The following ADGRB3 variants were observed in gnomAD, a reference collection of about 807,000 sequenced individuals.
ADGRB3 encodes brain-specific angiogenesis inhibitor 3.
In ADGRB3, 37 loss-of-function variants were observed where a neutral mutation model predicts 193.4. That is an observed-to-expected ratio of 0.19 (90% CI 0.15 to 0.25). The LOEUF (loss-of-function observed/expected upper bound fraction) is 0.25. Ranked by LOEUF, ADGRB3 falls within the 10% of genes least tolerant of loss-of-function variation. ADGRB3 has a pLI of 1.00. For missense variants in ADGRB3, 1,637 were observed against 1,852.9 expected (o/e 0.88, Z 2.14); for synonymous variants, 690 against 644.2 (o/e 1.07, Z -1.08).
At chr6:69,375,448 A>T (rs988883952) in intron 30 of ADGRB3, among the ~76,000 whole-genome samples, 3 of 152,072 alleles carry the variant, frequency 2.0e-5, no homozygotes, top group African/African-American at 4.8e-5. Flanking sequence ...AACTGAACAT[A>T]GGGTGAAAGG....
At chr6:68,954,804 C>T (rs536522222) in intron 6 of ADGRB3, among the ~76,000 whole-genome samples, 11 of 151,928 alleles carry the variant, frequency 7.2e-5, no homozygotes, top group East Asian at 1.9e-4. Context: ...CTCAGCCTCC[C>T]GGAGTAGCTA....
intron 3 of ADGRB3, among the ~76,000 whole-genome samples, chr6:68,923,466 A>G (rs1767100820): frequency 6.6e-6 from 1 of 152,060 alleles, no homozygotes; most frequent in Admixed American, 6.6e-5. Context: ...TTTTTGGTCA[A>G]GCAACCATTA....
At chr6:69,160,968 A>C (rs1173959807) in intron 17 of ADGRB3, among the ~76,000 whole-genome samples, 1 of 152,044 alleles carries the variant, frequency 6.6e-6, no homozygotes, top group Non-Finnish European at 1.5e-5. Flanking sequence ...CCAACTCAAC[A>C]CTCAGACTCA....
chr6:69,294,464 A>C (rs940091723), intron 20 of ADGRB3, among the ~76,000 whole-genome samples: 4 of 152,224 alleles, frequency 2.6e-5, no homozygotes, highest in African/African-American at 9.6e-5. Context: ...GAGGGGCAAG[A>C]AAGTGAAAGT....
intron 20 of ADGRB3, among the ~76,000 whole-genome samples, chr6:69,248,363 C>T (rs1044548971): frequency 1.3e-4 from 20 of 152,094 alleles, no homozygotes; most frequent in African/African-American, 3.9e-4. Context: ...AATGAAAAGC[C>T]CTTGAGATAA....
At chr6:69,167,661 G>A (rs78918902) in intron 17 of ADGRB3, among the ~76,000 whole-genome samples, 3,789 of 152,062 alleles carry the variant, frequency 0.025, 152 homozygotes, top group African/African-American at 0.086. Context: ...ATATATTTGC[G>A]GGTATAAGAG....
intron 3 of ADGRB3, among the ~76,000 whole-genome samples, chr6:68,699,948 CTG>C (rs1765215155): frequency 6.6e-6 from 1 of 152,116 alleles, no homozygotes; most frequent in Non-Finnish European, 1.5e-5. Flanking sequence ...TCACTCCTAA[CTG>C]TGTGACTCAA....
intron 6 of ADGRB3, among the ~76,000 whole-genome samples, chr6:68,950,777 AG>A: frequency 6.6e-6 from 1 of 152,304 alleles, no homozygotes; most frequent in Non-Finnish European, 1.5e-5. Context: ...CCATAATTCA[AG>A]CCACCATCAG....
intron 13 of ADGRB3, among the ~76,000 whole-genome samples, chr6:69,039,430 C>T (rs558282033): frequency 2.0e-5 from 3 of 152,020 alleles, no homozygotes; most frequent in South Asian, 2.1e-4. Flanking sequence ...GGAGGGCTAC[C>T]GTATGTCTAA....
chr6:69,075,761 A>G lies in ADGRB3; in HGVS notation c.2437-234A>G, dbSNP rs557679230. ...CTTTTAACTTCCAGCAAAACTAAAT[A>G]CAAGTTAGAGTATTTGGAATAAAGA... is the stretch of plus-strand genomic sequence containing the variant. On this transcript the variant is annotated intron_variant, in intron 16 of 31. Coordinates refer to ENST00000370598, the MANE Select transcript of ADGRB3 (RefSeq NM_001704.3). Among the ~76,000 whole-genome samples the G allele has an allele frequency of 2.6e-5, 4 of 152,314 alleles. No homozygotes were observed. In the East Asian group the frequency reaches 5.8e-4, roughly 22 times the overall value.
chr6:68,745,522 T>C (rs1269503319), intron 3 of ADGRB3, among the ~76,000 whole-genome samples: 4 of 152,128 alleles, frequency 2.6e-5, no homozygotes, highest in South Asian at 4.1e-4. Context: ...TTCCCAACAA[T>C]GTGAATGTAA....
intron 3 of ADGRB3, among the ~76,000 whole-genome samples, chr6:68,736,116 A>T (rs1163771087): frequency 1.3e-5 from 2 of 151,608 alleles, no homozygotes; most frequent in Non-Finnish European, 2.9e-5. Flanking sequence ...GGCTCAGGAG[A>T]TCCCTCCTGC....
chr6:69,338,220 A>G (rs1768893300), intron 24 of ADGRB3, among the ~76,000 whole-genome samples: 1 of 152,196 alleles, frequency 6.6e-6, no homozygotes, highest in Admixed American at 6.5e-5. Flanking sequence ...GTTGGAGTCT[A>G]TGACAAATGT....
chr6:68,844,665 CT>C (rs983448664), intron 3 of ADGRB3, among the ~76,000 whole-genome samples: 2 of 152,128 alleles, frequency 1.3e-5, no homozygotes, highest in African/African-American at 4.8e-5. Context: ...TATTTGCACT[CT>C]TATGTTTATT....
At chr6:69,129,515 G>A (rs1454609705) in intron 17 of ADGRB3, among the ~76,000 whole-genome samples, 4 of 152,030 alleles carry the variant, frequency 2.6e-5, no homozygotes, top group Admixed American at 2.6e-4. Context: ...AGAAGAGGGT[G>A]TTACATAGAA....
chr6:68,870,405 A>G (rs542610692), intron 3 of ADGRB3, among the ~76,000 whole-genome samples: 2 of 152,332 alleles, frequency 1.3e-5, no homozygotes, highest in African/African-American at 4.8e-5. Context: ...TTGAAAAATC[A>G]AGAGGAGCTT....
At chr6:69,209,442 T>A (rs1765608209) in intron 17 of ADGRB3, among the ~76,000 whole-genome samples, 1 of 152,212 alleles carries the variant, frequency 6.6e-6, no homozygotes, top group Admixed American at 6.5e-5. Flanking sequence ...ATTTTAGTCA[T>A]ATTTATTTCC....
chr6:69,232,344 CA>C (rs2127256602), intron 17 of ADGRB3: 1 of 1,285,856 alleles, frequency 7.8e-7, no homozygotes, highest in East Asian at 2.7e-5. Context: ...CCATCCCCCC[CA>C]CCACGAACAA....
At chr6:69,070,154 A>G (rs1019444753) in intron 16 of ADGRB3, among the ~76,000 whole-genome samples, 3 of 152,104 alleles carry the variant, frequency 2.0e-5, no homozygotes, top group Non-Finnish European at 4.4e-5. Flanking sequence ...TGCCTTGCCT[A>G]TTTACTTGCT....
Sources: gnomAD v4.1 joint callset for allele counts (sites outside exome capture counted in the v4.1 genomes callset) on GRCh38, gnomAD v4.1.1 for gene constraint, MANE v1.5 for transcripts, NCBI Gene and HGNC (gene_info 2026-07-23, HGNC 2026-07-21) for gene names.